FBXO28: variants seen among roughly 807,000 people sequenced by gnomAD.
FBXO28 encodes F-box only protein 28.
In FBXO28, 8 loss-of-function variants were observed where a neutral mutation model predicts 38.1. That is an observed-to-expected ratio of 0.21 (90% CI 0.12 to 0.38). FBXO28 has a LOEUF of 0.38. Among genes scored for constraint, FBXO28 ranks in the 10% least tolerant of loss-of-function variants. FBXO28 has a pLI of 1.00. For missense variants in FBXO28, 345 were observed against 460.6 expected (o/e 0.75, Z 2.30); for synonymous variants, 168 against 173.8 (o/e 0.97, Z 0.26).
At position 224,155,555 on chromosome 1, in the gene FBXO28, C is replaced by T. The variant is rs1464463359; in HGVS notation, c.713-1797C>T. On this transcript the variant is annotated intron_variant, in intron 4 of 4. Coordinates refer to ENST00000366862, the MANE Select transcript of FBXO28 (RefSeq NM_015176.4). ...CTGTTTTTGCAAAAGTATATTGGCTCCTAGAGATTTGTGCCTTTATCTACT... is the reference window on the plus strand; with the variant it reads ...CTGTTTTTGCAAAAGTATATTGGCTTCTAGAGATTTGTGCCTTTATCTACT... Among the ~76,000 whole-genome samples, 3 of 152,132 alleles carry T rather than the reference C, an allele frequency of 2.0e-5. No individual in the cohort carries two copies. The East Asian group carries it at 5.8e-4, about 29-fold the overall frequency.
intron 4 of FBXO28, among the ~76,000 whole-genome samples, chr1:224,155,068 T>A (rs967622185): frequency 2.6e-5 from 4 of 152,176 alleles, no homozygotes; most frequent in East Asian, 1.9e-4. Context: ...ATTCATTTTT[T>A]AAAAAACAAA....
chr1:224,135,402 C>T (rs1312270160), intron 3 of FBXO28, among the ~76,000 whole-genome samples: 2 of 151,844 alleles, frequency 1.3e-5, no homozygotes, highest in Non-Finnish European at 2.9e-5. Context: ...TGTTAAGTAA[C>T]AGAGTTGAAT....
At chr1:224,148,661 C>CA (rs1462894373) in intron 3 of FBXO28, among the ~76,000 whole-genome samples, 1 of 145,422 alleles carries the variant, frequency 6.9e-6, no homozygotes, top group Non-Finnish European at 1.5e-5. Context: ...GACTCCGTCT[C>CA]AAAAAAAGAA....
chr1:224,122,679 A>G (rs1656807058), intron 1 of FBXO28, among the ~76,000 whole-genome samples: 1 of 152,166 alleles, frequency 6.6e-6, no homozygotes, highest in Non-Finnish European at 1.5e-5. Flanking sequence ...GATGGCTTGT[A>G]ATGGTTCTGT....
At chr1:224,126,825 GTAAAA>G (rs961295855) in intron 1 of FBXO28, among the ~76,000 whole-genome samples, 5 of 152,062 alleles carry the variant, frequency 3.3e-5, no homozygotes, top group African/African-American at 1.2e-4. Context: ...AAATAAATAA[GTAAAA>G]TAAAATATCA....
At chr1:224,152,984 G>A (rs775426384) in intron 3 of FBXO28, among the ~76,000 whole-genome samples, 158 bp from the exon 4 acceptor site, 2 of 144,276 alleles carry the variant, frequency 1.4e-5, no homozygotes, top group Non-Finnish European at 3.0e-5. Flanking sequence ...GCCATGTGTT[G>A]TAAATAGCAA....
At chr1:224,156,918 C>T (rs1657786441) in intron 4 of FBXO28, among the ~76,000 whole-genome samples, 1 of 150,396 alleles carries the variant, frequency 6.6e-6, no homozygotes, top group Admixed American at 6.7e-5. Context: ...AGGAGAATGG[C>T]GTGAACCCAG....
At chr1:224,145,589 T>A (rs116210613) in intron 3 of FBXO28, among the ~76,000 whole-genome samples, 1,814 of 152,260 alleles carry the variant, frequency 0.012, 38 homozygotes, top group African/African-American at 0.038. Context: ...CATAACATCA[T>A]GATGCAGCAC....
At chr1:224,146,586 A>C (rs531741904) in intron 3 of FBXO28, among the ~76,000 whole-genome samples, 6 of 152,170 alleles carry the variant, frequency 3.9e-5, no homozygotes, top group African/African-American at 1.4e-4. Context: ...ATTTTTGTAG[A>C]GACTGTTTCT....
In FBXO28 at chr1:224,157,554, G is replaced by A. The variant is rs1295217779; in HGVS notation, c.915G>A (p.Glu305=). The change falls in exon 5 of 5, where the codon GAG becomes GAA. Residue 305 remains glutamate (E), a synonymous_variant. Coordinates refer to ENST00000366862, the MANE Select transcript of FBXO28 (RefSeq NM_015176.4). Reference sequence around the variant, plus strand: ...AAGACCAGGACCAGAAACTGCTAGAGCAGACCCAGATCATAGGTGAACAAA... The same window carrying A: ...AAGACCAGGACCAGAAACTGCTAGAACAGACCCAGATCATAGGTGAACAAA... ...QLQDQDQKLL[E]QTQIIGEQNA... is the part of the protein sequence containing the mutation. 1.2e-6 allele frequency: 2 copies of A among 1,614,142 alleles called. No homozygotes were observed. Among genetic ancestry groups the A allele is most frequent in the African/African-American group, 1.3e-5 (1 of 74,942 alleles).
chr1:224,121,259 T>C (rs1656765682), intron 1 of FBXO28, among the ~76,000 whole-genome samples: 1 of 152,176 alleles, frequency 6.6e-6, no homozygotes, highest in Non-Finnish European at 1.5e-5. Context: ...AAAGGCTTTT[T>C]TATGTGGTGG....
chr1:224,141,928 A>C (rs922218669), intron 3 of FBXO28, among the ~76,000 whole-genome samples: 55 of 150,000 alleles, frequency 3.7e-4, no homozygotes, highest in African/African-American at 1.1e-3. Flanking sequence ...TTGCTGAATC[A>C]CCTAGGCTAG....
intron 2 of FBXO28, among the ~76,000 whole-genome samples, chr1:224,133,674 C>A (rs1394867083): frequency 6.6e-6 from 1 of 151,918 alleles, no homozygotes; most frequent in Admixed American, 6.6e-5. Flanking sequence ...TGCACCATCA[C>A]GCCTGGCTAA....
chr1:224,145,747 A>C (rs533367739), intron 3 of FBXO28, among the ~76,000 whole-genome samples: 2 of 152,034 alleles, frequency 1.3e-5, no homozygotes, highest in Non-Finnish European at 2.9e-5. Flanking sequence ...ACATGGTGAA[A>C]CTCCACCTCT....
At chr1:224,138,713 T>C (rs1657259803) in intron 3 of FBXO28, among the ~76,000 whole-genome samples, 2 of 151,784 alleles carry the variant, frequency 1.3e-5, no homozygotes, top group Admixed American at 6.6e-5. Context: ...ATGTGGATAG[T>C]CTCTGCTCTT....
intron 2 of FBXO28, among the ~76,000 whole-genome samples, chr1:224,131,264 T>G (rs926645183): frequency 6.6e-6 from 1 of 151,912 alleles, no homozygotes; most frequent in Non-Finnish European, 1.5e-5. Flanking sequence ...TTTTTTTTTG[T>G]AACCCCTGTC....
intron 1 of FBXO28, among the ~76,000 whole-genome samples, chr1:224,116,284 T>C (rs1558184850): frequency 6.6e-6 from 1 of 152,164 alleles, no homozygotes; most frequent in African/African-American, 2.4e-5. Flanking sequence ...ACAATTCAAG[T>C]AACGTTAGAA....
At chr1:224,122,076 A>G (rs377569849) in intron 1 of FBXO28, among the ~76,000 whole-genome samples, 11 of 152,312 alleles carry the variant, frequency 7.2e-5, no homozygotes, top group African/African-American at 2.6e-4. Context: ...CTGGCCCCAA[A>G]TAGAATTTTT....
chr1:224,135,235 C>A (rs1265399102), intron 3 of FBXO28, among the ~76,000 whole-genome samples: 1 of 152,160 alleles, frequency 6.6e-6, no homozygotes, highest in Non-Finnish European at 1.5e-5. Context: ...TTTTCTGAAT[C>A]TGACTTAAAG....
Sources: gnomAD v4.1 joint callset for allele counts (sites outside exome capture counted in the v4.1 genomes callset) on GRCh38, gnomAD v4.1.1 for gene constraint, MANE v1.5 for transcripts, NCBI Gene and HGNC (gene_info 2026-07-23, HGNC 2026-07-21) for gene names.